PINX1: variants seen among roughly 807,000 people sequenced by gnomAD.
PINX1 encodes the protein PIN2/TERF1-interacting telomerase inhibitor 1.
Under a neutral mutation model 25.4 loss-of-function variants are expected in PINX1, and 34 were observed. That is an observed-to-expected ratio of 1.34 (90% CI 1.02 to 1.78). The LOEUF is 1.78. PINX1 is among the 40% of genes most tolerant of loss of function. The pLI is 0.00. For missense variants in PINX1, 592 were observed against 404.9 expected, an observed-to-expected ratio of 1.46 and a Z score of -3.97; for synonymous variants, 197 against 147.7, an observed-to-expected ratio of 1.33 and a Z score of -2.42.
intron 5 of PINX1, chr8:10,825,418 T>C (rs763780971): frequency 1.9e-6 from 1 of 534,790 alleles, no homozygotes; most frequent in South Asian, 1.4e-5. Flanking sequence ...AACTATGTAA[T>C]AAGTAGGTTT....
intron 6 of PINX1, among the ~76,000 whole-genome samples, chr8:10,771,773 G>A (rs2129071237): frequency 6.6e-6 from 1 of 152,306 alleles, no homozygotes; most frequent in South Asian, 2.1e-4. Flanking sequence ...AAGAGAATCA[G>A]CATTTTGAGT....
chr8:10,837,028 C>T (rs1431997035), intron 1 of PINX1, among the ~76,000 whole-genome samples: 7 of 152,218 alleles, frequency 4.6e-5, no homozygotes, highest in Non-Finnish European at 1.5e-5. Flanking sequence ...TGTTCACTAA[C>T]ACAGAAGGCC....
At chr8:10,822,697 T>C (rs994397780) in intron 5 of PINX1, among the ~76,000 whole-genome samples, 2 of 152,288 alleles carry the variant, frequency 1.3e-5, no homozygotes, top group Middle Eastern at 3.4e-3. Flanking sequence ...AAAACTTTCA[T>C]TGACACGAGA....
chr8:10,836,336 T>C (rs921751265), intron 1 of PINX1, among the ~76,000 whole-genome samples: 3 of 152,038 alleles, frequency 2.0e-5, no homozygotes, highest in Non-Finnish European at 4.4e-5. Flanking sequence ...ACTTTACTTA[T>C]CTTGGCAAAT....
intron 6 of PINX1, among the ~76,000 whole-genome samples, chr8:10,803,183 C>T (rs1415529515): frequency 6.6e-6 from 1 of 152,182 alleles, no homozygotes. Context: ...ATTGTTACAT[C>T]ATTGCTTTGT....
chr8:10,828,696 A>C (rs1397390060), intron 4 of PINX1, among the ~76,000 whole-genome samples: 2 of 152,212 alleles, frequency 1.3e-5, no homozygotes, highest in South Asian at 4.1e-4. Context: ...CTTTCTATCT[A>C]TTTGTTCACG....
intron 6 of PINX1, among the ~76,000 whole-genome samples, chr8:10,781,741 T>C (rs1465519537): frequency 7.0e-6 from 1 of 143,338 alleles, no homozygotes; most frequent in Non-Finnish European, 1.5e-5. Context: ...CTGATGGGAA[T>C]GCAGATTGGC....
At chr8:10,839,566 G>T in intron 1 of PINX1, 172 bp downstream of exon 1, 1 of 649,158 alleles carries the variant, frequency 1.5e-6, no homozygotes, top group East Asian at 2.8e-5. Context: ...CCAACTTTCG[G>T]GGAGCTCTGC....
intron 4 of PINX1, among the ~76,000 whole-genome samples, chr8:10,830,336 C>T (rs6996461): frequency 0.12 from 17,956 of 152,124 alleles, 1,674 homozygotes; most frequent in African/African-American, 0.26. Context: ...CTTCCACACA[C>T]GTCACTGCAA....
At chr8:10,820,319 A>G in intron 5 of PINX1, 50 bp from the exon 6 acceptor site, 1 of 1,299,512 alleles carries the variant, frequency 7.7e-7, no homozygotes, top group South Asian at 1.2e-5. Flanking sequence ...TCCTAAAAGA[A>G]AGAGCGCAGA....
intron 6 of PINX1, among the ~76,000 whole-genome samples, chr8:10,779,549 T>A (rs950993128): frequency 6.6e-6 from 1 of 152,128 alleles, no homozygotes; most frequent in Non-Finnish European, 1.5e-5. Flanking sequence ...AATCTCTCTC[T>A]CTCTTTTTTT....
intron 6 of PINX1, among the ~76,000 whole-genome samples, chr8:10,778,962 G>T (rs1247140325): frequency 6.6e-6 from 1 of 152,314 alleles, no homozygotes; most frequent in Admixed American, 6.5e-5. Flanking sequence ...ACGCTAGCTT[G>T]CAGAGCGCCT....
At chr8:10,773,183 G>A (rs1259278077) in intron 6 of PINX1, among the ~76,000 whole-genome samples, 2 of 152,274 alleles carry the variant, frequency 1.3e-5, no homozygotes, top group Middle Eastern at 3.4e-3. Context: ...TTTTGGAAGT[G>A]GCAGGTGCTT....
intron 6 of PINX1, among the ~76,000 whole-genome samples, chr8:10,819,381 C>G (rs1586192279): frequency 6.6e-6 from 1 of 152,164 alleles, no homozygotes. Context: ...TGGCTACAAA[C>G]CAATAAAAGA....
intron 6 of PINX1, among the ~76,000 whole-genome samples, chr8:10,813,643 G>C (rs929211731): frequency 6.6e-6 from 1 of 152,172 alleles, no homozygotes; most frequent in Non-Finnish European, 1.5e-5. Flanking sequence ...CAAGGAAAAT[G>C]ATTATTGATT....
intron 6 of PINX1, among the ~76,000 whole-genome samples, chr8:10,808,386 G>A (rs531239857): frequency 1.3e-5 from 2 of 152,204 alleles, no homozygotes; most frequent in South Asian, 4.1e-4. Context: ...ACTACAGAAT[G>A]CTCTTTCTTT....
chr8:10,792,903 C>T (rs1048711407), intron 6 of PINX1, among the ~76,000 whole-genome samples: 1 of 152,148 alleles, frequency 6.6e-6, no homozygotes, highest in Non-Finnish European at 1.5e-5. Flanking sequence ...GAGATGCCCC[C>T]TTACCTCTCC....
intron 6 of PINX1, among the ~76,000 whole-genome samples, chr8:10,812,060 C>T (rs1267532281): frequency 6.6e-6 from 1 of 152,162 alleles, no homozygotes; most frequent in Non-Finnish European, 1.5e-5. Flanking sequence ...AAAATTGGAA[C>T]ACCCTACCCA....
At chr8:10,798,305 G>C (rs1276096495) in intron 6 of PINX1, among the ~76,000 whole-genome samples, 2 of 152,228 alleles carry the variant, frequency 1.3e-5, no homozygotes, top group East Asian at 1.9e-4. Flanking sequence ...ACAGGCTCCA[G>C]CCTTGAGAAA....
Sources: gnomAD v4.1 joint callset for allele counts (sites outside exome capture counted in the v4.1 genomes callset) on GRCh38, gnomAD v4.1.1 for gene constraint, MANE v1.5 for transcripts, NCBI Gene and HGNC (gene_info 2026-07-23, HGNC 2026-07-21) for gene names.